RPL15: variants seen among roughly 807,000 people sequenced by gnomAD.
RPL15 encodes the protein large ribosomal subunit protein eL15.
For synonymous variants in RPL15, 97 were observed against 95.1 expected (o/e 1.02, Z -0.12); for missense variants, 161 against 271.8 (o/e 0.59, Z 2.87).
At chr3:23,918,990 T>C (rs1704898649) in intron 3 of RPL15, 4 of 591,588 alleles carry the variant, frequency 6.8e-6, no homozygotes, top group Non-Finnish European at 1.2e-5. Context: ...GAGGGAATGA[T>C]GTGTTTCAGT....
chr3:23,917,647 C>T lies in RPL15; in HGVS notation c.-10-203C>T, dbSNP rs771316598. On this transcript the variant is annotated intron_variant, in intron 1 of 3. Coordinates refer to ENST00000307839, the MANE Select transcript of RPL15 (RefSeq NM_002948.5). ...CCACCAAAACGTGCCGAGCACCGCTCTGTGCTGGGGTTGCGGAAGTGACTG... is the reference window on the plus strand; with the variant it reads ...CCACCAAAACGTGCCGAGCACCGCTTTGTGCTGGGGTTGCGGAAGTGACTG... 3.7e-4 allele frequency: 196 copies of T among 535,450 alleles called. 1 individual carries two copies. Among genetic ancestry groups the T allele is most frequent in the Admixed American group, 1.3e-3 (34 of 26,804 alleles). 33.2% of individuals were successfully genotyped at this position (535,450 alleles called of 1,614,324 possible).
downstream of RPL15, chr3:23,923,475 T>TC (rs1705151664): frequency 6.6e-6 from 1 of 152,156 alleles, no homozygotes; most frequent in Admixed American, 6.5e-5. Context: ...CATCTCAGCC[T>TC]CCCAAAGTAG....
At position 23,919,806 on chromosome 3, in the gene RPL15, G is replaced by C; in HGVS notation, c.*305G>C. On this transcript the variant is annotated 3_prime_UTR_variant, in exon 4 of 4. Transcript: ENST00000307839. ...AAAGGAGAGAACTGAAACTAGCCCTGTAGATTTGTCTGGTGCATGTGATGA... is the reference window on the plus strand; with the variant it reads ...AAAGGAGAGAACTGAAACTAGCCCTCTAGATTTGTCTGGTGCATGTGATGA... 3 of 1,067,786 alleles carry C rather than the reference G, an allele frequency of 2.8e-6. No homozygotes were observed. The highest frequency in any genetic ancestry group is 3.4e-6 in the Non-Finnish European group (3 of 883,084). 66.1% of individuals were successfully genotyped at this position (1,067,786 alleles called of 1,614,324 possible).
At chr3:23,924,323 T>TC (rs1181512557), downstream of RPL15, 1 of 152,182 alleles carries the variant, frequency 6.6e-6, no homozygotes, top group African/African-American at 2.4e-5. Context: ...TATCAGAGAA[T>TC]CCCCCCTCCC....
rs973428228 is a variant in RPL15 at position 23,920,068 on chromosome 3, C to G, written c.*567C>G. The stretch of plus-strand genomic sequence containing the variant: ...CAGTGATTAGTGGTAATGGTAAACA[C>G]TGGTGTGTTTTGAAGTTGAATGTGC... On this transcript the variant is annotated 3_prime_UTR_variant, in exon 4 of 4. Coordinates refer to ENST00000307839, the MANE Select transcript of RPL15 (RefSeq NM_002948.5). 1.9e-5 allele frequency: 19 copies of G among 985,812 alleles called. No homozygotes were observed. The highest frequency in any genetic ancestry group is 2.3e-5 in the Non-Finnish European group (19 of 830,028). 61.1% of individuals were successfully genotyped at this position (985,812 alleles called of 1,614,324 possible). A position where few individuals can be genotyped will look rare whatever the true frequency, so the allele number is the denominator to read the frequency against.
upstream of RPL15, chr3:23,916,662 C>G (rs1704517176): frequency 6.6e-6 from 1 of 152,594 alleles, no homozygotes; most frequent in Non-Finnish European, 1.5e-5. Flanking sequence ...GATCTCTCAG[C>G]GCAGCTCTGG....
Position 23,920,391 on chromosome 3 carries a change from A to T in RPL15, c.*890A>T. ...AGTCACAAGCGCATGGTTTCCAACC[A>T]TATGTGTTTTCTGCAGTTATTTCTC... On this transcript the variant is annotated 3_prime_UTR_variant, in exon 4 of 4. Transcript: ENST00000307839. 1 of 985,378 alleles carries T rather than the reference A, an allele frequency of 1.0e-6. No homozygotes were observed. The highest frequency in any genetic ancestry group is 1.2e-6 in the Non-Finnish European group (1 of 829,864). 61.0% of individuals were successfully genotyped at this position (985,378 alleles called of 1,614,324 possible).
chr3:23,919,609 T>C lies in RPL15; in HGVS notation c.*108T>C. On this transcript the variant is annotated 3_prime_UTR_variant, in exon 4 of 4. Transcript: ENST00000307839. ...AACTAGTCTGCAGATGTTTCTTGAA[T>C]GCTTTGTCAAATTAAGAAAGTTAAA... 2.1e-6 allele frequency: 3 copies of C among 1,423,936 alleles called. No homozygotes were observed. The highest frequency in any genetic ancestry group is 2.7e-6 in the Non-Finnish European group (3 of 1,093,174). The allele number at this position is 1,423,936 out of a possible 1,614,324, so 88.2% of individuals were successfully genotyped here.
In RPL15 at chr3:23,920,444, C is replaced by A; in HGVS notation, c.*943C>A. 1.0e-6 allele frequency: 1 copy of A among 985,426 alleles called. No individual in the cohort carries two copies. The highest frequency in any genetic ancestry group is 1.7e-5 in the African/African-American group (1 of 57,362). The allele number at this position is 985,426 out of a possible 1,614,324, so 61.0% of individuals were successfully genotyped here. A position where few individuals can be genotyped will look rare whatever the true frequency, so the allele number is the denominator to read the frequency against. ...GTTCTGGCCAAACAACCCTAAAAATCCTTACCATTCCACAAAGTTGGACCA... is the reference window on the plus strand; with the variant it reads ...GTTCTGGCCAAACAACCCTAAAAATACTTACCATTCCACAAAGTTGGACCA... On this transcript the variant is annotated 3_prime_UTR_variant, in exon 4 of 4. Coordinates refer to ENST00000307839, the MANE Select transcript of RPL15 (RefSeq NM_002948.5).
downstream of RPL15, chr3:23,921,084 G>A (rs1705051786): frequency 6.6e-6 from 1 of 152,656 alleles, no homozygotes; most frequent in Non-Finnish European, 1.5e-5. Flanking sequence ...TGGGAGACAA[G>A]CTGGAGGATT....
In RPL15 at chr3:23,920,530, T is replaced by C. The variant is rs1705019737; in HGVS notation, c.*1029T>C. On this transcript the variant is annotated 3_prime_UTR_variant, in exon 4 of 4. Coordinates refer to ENST00000307839, the MANE Select transcript of RPL15 (RefSeq NM_002948.5). ...CCACATTGCATTTCTGTTTGCACCATGTCTTCCAGGAGACTAGACTACTGT... is the reference window on the plus strand; with the variant it reads ...CCACATTGCATTTCTGTTTGCACCACGTCTTCCAGGAGACTAGACTACTGT... 3.0e-6 allele frequency: 3 copies of C among 985,380 alleles called. No individual in the cohort carries two copies. The highest frequency in any genetic ancestry group is 4.7e-5 in the South Asian group (1 of 21,288). 61.0% of individuals were successfully genotyped at this position (985,380 alleles called of 1,614,324 possible). A position where few individuals can be genotyped will look rare whatever the true frequency, so the allele number is the denominator to read the frequency against.
At chr3:23,921,474 TTTATTAG>T (rs1705076621), downstream of RPL15, 1 of 635,602 alleles carries the variant, frequency 1.6e-6, no homozygotes, top group Non-Finnish European at 2.8e-6. Context: ...TAAGGGTCAC[TTTATTAG>T]CTATACCCTG....
downstream of RPL15, chr3:23,921,578 T>TG: frequency 4.5e-6 from 3 of 670,116 alleles, no homozygotes; most frequent in South Asian, 3.2e-5. Flanking sequence ...GAGTTTTTTT[T>TG]TTTTTTTTTT....
Position 23,919,910 on chromosome 3 carries a change from G to T in RPL15, c.*409G>T. 16 of 991,526 alleles carry T rather than the reference G, an allele frequency of 1.6e-5. No homozygotes were observed. The Middle Eastern group carries it at 1.6e-3, about 96-fold the overall frequency. 61.4% of individuals were successfully genotyped at this position (991,526 alleles called of 1,614,324 possible). A position where few individuals can be genotyped will look rare whatever the true frequency, so the allele number is the denominator to read the frequency against. On this transcript the variant is annotated 3_prime_UTR_variant, in exon 4 of 4. Transcript: ENST00000307839. Reference sequence around the variant, plus strand: ...GGCTGCGTTTTTTTTAGTTTGGCAGGTGTAGACTTTTTAAGTTGGGCTTTA... The same window carrying T: ...GGCTGCGTTTTTTTTAGTTTGGCAGTTGTAGACTTTTTAAGTTGGGCTTTA...
At chr3:23,916,607 C>T (rs72627082), upstream of RPL15, 1 of 152,336 alleles carries the variant, frequency 6.6e-6, no homozygotes, top group African/African-American at 2.4e-5. Context: ...CCGCGACGCC[C>T]CGACTCCGCG....
chr3:23,918,175 T>C (rs1268487993), intron 2 of RPL15, 144 bp downstream of exon 2: 1 of 1,068,626 alleles, frequency 9.4e-7, no homozygotes, highest in African/African-American at 1.6e-5. Context: ...GGTCAGTTAC[T>C]GTATGCACTG....
chr3:23,917,756 T>A lies in RPL15; in HGVS notation c.-10-94T>A. On this transcript the variant is annotated intron_variant, in intron 1 of 3. Coordinates refer to ENST00000307839, the MANE Select transcript of RPL15 (RefSeq NM_002948.5). ...CAGAGCCATTTTCATTCCCGGCGGT[T>A]TCCTTGTTTTTGTTGGGGAACTAAG... is the stretch of plus-strand genomic sequence containing the variant. 2.3e-6 allele frequency: 3 copies of A among 1,281,254 alleles called. No individual in the cohort carries two copies. The Admixed American group carries it at 7.3e-5, about 31-fold the overall frequency. The allele number at this position is 1,281,254 out of a possible 1,614,324, so 79.4% of individuals were successfully genotyped here. A position where few individuals can be genotyped will look rare whatever the true frequency, so the allele number is the denominator to read the frequency against.
chr3:23,919,288 C>T lies in RPL15; in HGVS notation c.402C>T (p.Leu134=), dbSNP rs766621970. 6 of 1,608,194 alleles carry T rather than the reference C, an allele frequency of 3.7e-6. No individual in the cohort carries two copies. The highest frequency in any genetic ancestry group is 1.7e-4 in the Middle Eastern group (1 of 6,038). The change falls in exon 4 of 4, where the codon CTC becomes CTT. Residue 134 remains leucine, a synonymous_variant. Coordinates refer to ENST00000307839, the MANE Select transcript of RPL15 (RefSeq NM_002948.5). The part of the protein sequence containing the change: ...DSTYKFFEVI[L]IDPFHKAIRR... ...CATACAAATTTTTTGAGGTTATCCT[C>T]ATTGATCCATTCCATAAAGCTATCA...
rs932786858 is a variant in RPL15, at chr3:23,917,729, T to C, written c.-10-121T>C. On this transcript the variant is annotated intron_variant, in intron 1 of 3. Transcript: ENST00000307839. ...TGGGCTAGCTGTCCCCGGCAGTTGG[T>C]GCAGAGCCATTTTCATTCCCGGCGG... 21 of 1,017,874 alleles carry C rather than the reference T, an allele frequency of 2.1e-5. No homozygotes were observed. The African/African-American group carries it at 3.1e-4, about 15-fold the overall frequency. 63.1% of individuals were successfully genotyped at this position (1,017,874 alleles called of 1,614,324 possible). A position where few individuals can be genotyped will look rare whatever the true frequency, so the allele number is the denominator to read the frequency against.
Sources: gnomAD v4.1 joint callset for allele counts on GRCh38, gnomAD v4.1.1 for gene constraint, MANE v1.5 for transcripts, NCBI Gene and HGNC (gene_info 2026-07-23, HGNC 2026-07-21) for gene names.